The following ZC3H7A variants were observed in gnomAD, a reference collection of about 807,000 sequenced individuals.
ZC3H7A encodes the protein zinc finger CCCH-type containing 7A.
A neutral mutation model predicts 125.5 loss-of-function variants in ZC3H7A; 44 were observed. The observed-to-expected ratio is 0.35, with a 90% CI of 0.28 to 0.45. ZC3H7A has a LOEUF of 0.45. ZC3H7A is among the 20% of genes least tolerant of loss of function. The pLI is 1.00. For missense variants in ZC3H7A, 977 were observed against 1,170.7 expected, an observed-to-expected ratio of 0.83 and a Z score of 2.41; for synonymous variants, 399 against 391.2, an observed-to-expected ratio of 1.02 and a Z score of -0.23.
In ZC3H7A at chr16:11,779,315, C is replaced by T. The variant is rs775029799; in HGVS notation, c.157G>A (p.Val53Ile). 1.7e-5 allele frequency: 27 copies of T among 1,613,752 alleles called. No homozygotes were observed. Among genetic ancestry groups the T allele is most frequent in the Middle Eastern group, 1.6e-4 (1 of 6,082 alleles). The change falls in exon 4 of 23, where the codon GTT becomes ATT. Residue 53 changes from valine (V) to isoleucine (I), a missense_variant. This residue lies in a region of ZC3H7A where 199 missense variants were observed against 256.1 expected (regional missense o/e 0.78). Coordinates refer to ENST00000355758, the MANE Select transcript of ZC3H7A (RefSeq NM_014153.4). ...VRNLFNEGND[V>I]YREHDWNNSI... ...TTGTTCCAATCATGTTCCCGATAAA[C>T]GTCATTTCCTTCATTAAAAAGATTT...
intron 1 of ZC3H7A, among the ~76,000 whole-genome samples, chr16:11,788,939 T>A (rs982587812): frequency 1.3e-5 from 2 of 152,130 alleles, no homozygotes; most frequent in Non-Finnish European, 2.9e-5. Flanking sequence ...AGAACGATTC[T>A]GTATCTTGAT....
In ZC3H7A at chr16:11,776,285, A is replaced by AC. The variant is rs760968081; in HGVS notation, c.585+34_585+35insG. 5.1e-6 allele frequency: 8 copies of AC among 1,579,224 alleles called. No individual in the cohort carries two copies. The African/African-American group carries it at 1.1e-4, about 22-fold the overall frequency. On this transcript the variant is annotated intron_variant, in intron 7 of 22. Coordinates refer to ENST00000355758, the MANE Select transcript of ZC3H7A (RefSeq NM_014153.4). ...AATTGCTCCCATCCTTCCCTTTAAA[A>AC]AAAAATATAATTTTGACAGAAAAAA...
intron 1 of ZC3H7A, among the ~76,000 whole-genome samples, chr16:11,787,554 C>T (rs138177186): frequency 1.3e-3 from 202 of 152,198 alleles, no homozygotes; most frequent in Non-Finnish European, 1.3e-3. Flanking sequence ...CTTAAACTTC[C>T]GGTCTCAAGC....
At chr16:11,789,459 G>A (rs1456678822) in intron 1 of ZC3H7A, among the ~76,000 whole-genome samples, 1 of 151,902 alleles carries the variant, frequency 6.6e-6, no homozygotes, top group Non-Finnish European at 1.5e-5. Context: ...TCACCATGTT[G>A]GCCAGGCTGG....
intron 9 of ZC3H7A, among the ~76,000 whole-genome samples, chr16:11,772,575 T>C (rs1473432319): frequency 4.0e-5 from 6 of 151,728 alleles, no homozygotes; most frequent in African/African-American, 1.2e-4. Context: ...TGTCAGTCTT[T>C]TGCACACTGA....
chr16:11,796,187 A>C (rs1357038328), intron 1 of ZC3H7A: 1 of 152,204 alleles, frequency 6.6e-6, no homozygotes, highest in Non-Finnish European at 1.5e-5. Flanking sequence ...AAACATGACC[A>C]TCTCAACATG....
At chr16:11,776,281 T>C in intron 7 of ZC3H7A, 39 bp downstream of exon 7, 1 of 1,519,434 alleles carries the variant, frequency 6.6e-7, no homozygotes, top group South Asian at 1.2e-5. Flanking sequence ...TCCTTCCCTT[T>C]AAAAAAAAAT....
At chr16:11,766,521 G>T (rs2052860677) in intron 13 of ZC3H7A, among the ~76,000 whole-genome samples, 1 of 152,208 alleles carries the variant, frequency 6.6e-6, no homozygotes, top group African/African-American at 2.4e-5. Context: ...AGCCGAGATT[G>T]TGCCTGTGCA....
chr16:11,776,935 G>T, intron 4 of ZC3H7A, 26 bp from the exon 5 acceptor site: 1 of 1,528,656 alleles, frequency 6.5e-7, no homozygotes, highest in Non-Finnish European at 8.8e-7. Flanking sequence ...AAAGAATAAA[G>T]TCAGCAATCA....
chr16:11,756,471 A>C (rs990155047), intron 20 of ZC3H7A, 101 bp from the exon 21 acceptor site: 36 of 1,449,838 alleles, frequency 2.5e-5, no homozygotes, highest in Non-Finnish European at 3.1e-5. Flanking sequence ...AGTTCAAAAG[A>C]AACTCAAGGG....
chr16:11,768,917 T>C (rs2052918152), intron 11 of ZC3H7A, 114 bp downstream of exon 11: 2 of 1,053,084 alleles, frequency 1.9e-6, no homozygotes, highest in East Asian at 5.0e-5. Context: ...CACAATTTCC[T>C]GCAGCACACA....
At chr16:11,777,672 G>A (rs770893460) in intron 4 of ZC3H7A, among the ~76,000 whole-genome samples, 6 of 152,036 alleles carry the variant, frequency 3.9e-5, no homozygotes, top group Non-Finnish European at 8.8e-5. Context: ...AGTAAGCCGA[G>A]ATTGTGCCAC....
chr16:11,776,470 T>G lies in ZC3H7A; in HGVS notation c.528A>C (p.Lys176Asn), dbSNP rs771803801. The G allele has an allele frequency of 6.2e-7, 1 of 1,611,598 alleles. No individual in the cohort carries two copies. The highest frequency in any genetic ancestry group is 8.5e-7 in the Non-Finnish European group (1 of 1,179,362). The change falls in exon 6 of 23, where the codon AAA (lysine) becomes AAC (asparagine). Residue 176 changes from lysine (K) to asparagine (N), a missense_variant. By Grantham distance (94) the Lys-to-Asn change is moderately conservative (BLOSUM62 0). Around this residue, in one of 3 missense-constraint regions of ZC3H7A, gnomAD observed 199 missense variants for 256.1 expected, o/e 0.78. Coordinates refer to ENST00000355758, the MANE Select transcript of ZC3H7A (RefSeq NM_014153.4). ...LAQKLGFKIRKAYVRAELSLK... is the reference protein window; with the variant it reads ...LAQKLGFKIRNAYVRAELSLK... The stretch of plus-strand genomic sequence containing the variant: ...AGCTTACCTCAGCTCTGACATACGC[T>G]TTTCTTATTTTAAATCCCAATTTCT...
intron 22 of ZC3H7A, among the ~76,000 whole-genome samples, chr16:11,752,118 C>G (rs756853215): frequency 1.3e-5 from 2 of 151,904 alleles, no homozygotes; most frequent in Non-Finnish European, 2.9e-5. Flanking sequence ...GTTGTCCAGG[C>G]TGGTCTCGAA....
At chr16:11,755,175 A>G (rs2052621415) in intron 21 of ZC3H7A, among the ~76,000 whole-genome samples, 1 of 150,086 alleles carries the variant, frequency 6.7e-6, no homozygotes, top group Non-Finnish European at 1.5e-5. Flanking sequence ...ACCGCATTGC[A>G]CTCCAGCCTG....
intron 1 of ZC3H7A, among the ~76,000 whole-genome samples, chr16:11,785,645 G>A (rs929383137): frequency 9.9e-5 from 15 of 151,598 alleles, no homozygotes; most frequent in African/African-American, 3.6e-4. Flanking sequence ...TTTTGAGACA[G>A]AGTCTCACTT....
At chr16:11,788,367 G>A (rs1361911473) in intron 1 of ZC3H7A, among the ~76,000 whole-genome samples, 2 of 152,072 alleles carry the variant, frequency 1.3e-5, no homozygotes, top group African/African-American at 4.8e-5. Context: ...CTCATCTAGG[G>A]CCCCATGACA....
chr16:11,759,766 T>G (rs1427192247), intron 19 of ZC3H7A: 1 of 152,198 alleles, frequency 6.6e-6, no homozygotes, highest in Non-Finnish European at 1.5e-5. Context: ...TCTTTAAGCC[T>G]CACCACACTC....
intron 9 of ZC3H7A, 61 bp downstream of exon 9, chr16:11,774,175 T>C: frequency 2.1e-6 from 3 of 1,426,816 alleles, no homozygotes; most frequent in South Asian, 3.5e-5. Context: ...TCAAGTTATA[T>C]TACAATTTTT....
Sources: allele counts gnomAD v4.1 joint callset (sites outside exome capture counted in the v4.1 genomes callset), GRCh38; gene constraint gnomAD v4.1.1; regional missense constraint gnomAD v4.1.1; transcripts MANE v1.5; gene names NCBI Gene and HGNC (gene_info 2026-07-23, HGNC 2026-07-21).